Variants in CNBD1 observed in about 807,000 individuals in gnomAD.
CNBD1 encodes cyclic nucleotide-binding domain-containing protein 1.
A neutral mutation model predicts 54.4 loss-of-function variants in CNBD1; 71 were observed. The ratio of observed to expected loss-of-function variants is 1.30; its 90% CI spans 1.08 to 1.59. CNBD1 has a LOEUF of 1.59. CNBD1 is among the 40% of genes most tolerant of loss of function. The pLI is 0.00. For synonymous variants in CNBD1, 182 were observed against 170.7 expected, an observed-to-expected ratio of 1.07 and a Z score of -0.51; for missense variants, 659 against 518.0, an observed-to-expected ratio of 1.27 and a Z score of -2.64.
At chr8:87,305,334 A>T (rs1321475840) in intron 8 of CNBD1, among the ~76,000 whole-genome samples, 2 of 152,162 alleles carry the variant, frequency 1.3e-5, no homozygotes, top group Non-Finnish European at 2.9e-5. Flanking sequence ...CATATTGCCA[A>T]AAACAATCTA....
intron 4 of CNBD1, among the ~76,000 whole-genome samples, chr8:87,099,291 T>C (rs917803400): frequency 1.6e-4 from 24 of 152,266 alleles, no homozygotes; most frequent in Middle Eastern, 6.8e-3. Flanking sequence ...GAGCCTGAGA[T>C]GTCACCAGAG....
intron 4 of CNBD1, among the ~76,000 whole-genome samples, chr8:87,030,178 G>A (rs1809750570): frequency 6.6e-6 from 1 of 152,010 alleles, no homozygotes; most frequent in Non-Finnish European, 1.5e-5. Flanking sequence ...AACTTTTATG[G>A]CTGCTAGATT....
chr8:87,266,132 A>G (rs190837045), intron 6 of CNBD1, among the ~76,000 whole-genome samples: 82 of 152,142 alleles, frequency 5.4e-4, no homozygotes, highest in Non-Finnish European at 8.8e-4. Context: ...AACATTCAAT[A>G]TCTTAAAGAT....
intron 4 of CNBD1, among the ~76,000 whole-genome samples, chr8:87,142,058 C>T (rs1431301918): frequency 6.6e-6 from 1 of 152,106 alleles, no homozygotes; most frequent in Non-Finnish European, 1.5e-5. Flanking sequence ...TAGTCTTTCA[C>T]TTGAATGTGT....
rs1163618359 is a variant in CNBD1, at chr8:86,887,049, A to G, written c.89-493A>G. On this transcript the variant is annotated intron_variant, in intron 1 of 10. Coordinates refer to ENST00000518476, the MANE Select transcript of CNBD1 (RefSeq NM_173538.3). ...TTAGAAGGAATTGCAAACTGAATCC[A>G]GACACTAGAAGGTGCTCTGAAGAGG... 2.0e-5 allele frequency among the ~76,000 whole-genome samples: 3 copies of G among 152,212 alleles called. No individual in the cohort carries two copies. In the East Asian group the frequency reaches 5.8e-4, roughly 29 times the overall value.
chr8:86,970,835 C>A (rs958335165), intron 4 of CNBD1, among the ~76,000 whole-genome samples: 5 of 152,096 alleles, frequency 3.3e-5, no homozygotes, highest in East Asian at 1.9e-4. Flanking sequence ...CACATACCAC[C>A]TTTTCTTTAT....
At chr8:87,178,360 A>G (rs1813242857) in intron 4 of CNBD1, among the ~76,000 whole-genome samples, 1 of 152,210 alleles carries the variant, frequency 6.6e-6, no homozygotes, top group African/African-American at 2.4e-5. Flanking sequence ...AGAAACATGA[A>G]GGAGGAGAGG....
intron 6 of CNBD1, among the ~76,000 whole-genome samples, chr8:87,275,058 A>C (rs1179269238): frequency 7.5e-6 from 1 of 133,906 alleles, no homozygotes; most frequent in Middle Eastern, 3.7e-3. Context: ...TGTTTTTCTC[A>C]GGTTTGTCAA....
chr8:87,039,148 C>A (rs371794555), intron 4 of CNBD1, among the ~76,000 whole-genome samples: 1 of 151,990 alleles, frequency 6.6e-6, no homozygotes, highest in Admixed American at 6.6e-5. Flanking sequence ...TTTTTAAATT[C>A]TTTGCCTTTT....
intron 4 of CNBD1, among the ~76,000 whole-genome samples, chr8:87,150,139 TG>T (rs1812573635): frequency 1.3e-5 from 2 of 152,184 alleles, no homozygotes; most frequent in East Asian, 3.9e-4. Flanking sequence ...ATGGCACCAC[TG>T]CACGCCAGCC....
intron 8 of CNBD1, among the ~76,000 whole-genome samples, chr8:87,334,159 T>C (rs1809893677): frequency 1.3e-5 from 2 of 152,308 alleles, no homozygotes; most frequent in South Asian, 4.1e-4. Flanking sequence ...ATTTTCTAGT[T>C]TGTTTGCATA....
intron 4 of CNBD1, among the ~76,000 whole-genome samples, chr8:87,063,304 G>A (rs182409971): frequency 1.3e-5 from 2 of 152,254 alleles, no homozygotes; most frequent in African/African-American, 4.8e-5. Context: ...GATTTCATCA[G>A]CATTATAAGA....
At chr8:87,137,334 C>T (rs1190752990) in intron 4 of CNBD1, among the ~76,000 whole-genome samples, 2 of 150,670 alleles carry the variant, frequency 1.3e-5, no homozygotes, top group Non-Finnish European at 2.9e-5. Context: ...GTAGCTGGGA[C>T]TACAGGCGCC....
chr8:87,349,951 A>C (rs999188908), intron 8 of CNBD1, among the ~76,000 whole-genome samples: 11 of 152,304 alleles, frequency 7.2e-5, no homozygotes, highest in African/African-American at 2.4e-4. Context: ...TCTGTGACCT[A>C]CATAGGGTTT....
At chr8:87,321,876 A>T (rs576267072) in intron 8 of CNBD1, among the ~76,000 whole-genome samples, 1 of 149,300 alleles carries the variant, frequency 6.7e-6, no homozygotes, top group South Asian at 2.1e-4. Context: ...ATATGTATAC[A>T]TGTGCCATGC....
chr8:87,227,963 C>T (rs1203042767), intron 5 of CNBD1, among the ~76,000 whole-genome samples: 2 of 150,374 alleles, frequency 1.3e-5, no homozygotes, highest in South Asian at 4.2e-4. Context: ...TTTCTCTAAA[C>T]TTCCCTTCTC....
At chr8:87,423,285 T>A (rs1243687403) in intron 2 of CNBD1, among the ~76,000 whole-genome samples, 1 of 149,918 alleles carries the variant, frequency 6.7e-6, no homozygotes. Flanking sequence ...CCTGCCTAAT[T>A]GCCCTGGCCA....
At chr8:87,079,588 C>T (rs1360563450) in intron 4 of CNBD1, among the ~76,000 whole-genome samples, 11 of 152,080 alleles carry the variant, frequency 7.2e-5, no homozygotes, top group East Asian at 1.9e-4. Context: ...AGAATCTTTT[C>T]GTGGACATAT....
chr8:87,269,596 C>T (rs941375707), intron 6 of CNBD1, among the ~76,000 whole-genome samples: 2 of 151,988 alleles, frequency 1.3e-5, no homozygotes, highest in East Asian at 1.9e-4. Flanking sequence ...TGATTTCTTT[C>T]AGCAGTATTT....
Sources: gnomAD v4.1 joint callset for allele counts (sites outside exome capture counted in the v4.1 genomes callset) on GRCh38, gnomAD v4.1.1 for gene constraint, MANE v1.5 for transcripts, NCBI Gene and HGNC (gene_info 2026-07-23, HGNC 2026-07-21) for gene names.